NETO1: variants seen among roughly 807,000 people sequenced by gnomAD.
The protein encoded by NETO1 is neuropilin and tolloid like 1.
NETO1 carries 26 observed loss-of-function variants against 61.3 expected under a neutral mutation model. That is an observed-to-expected ratio of 0.42 (90% CI 0.31 to 0.59). The LOEUF (loss-of-function observed/expected upper bound fraction) is 0.59. Ranked by LOEUF, NETO1 falls within the 20% of genes least tolerant of loss-of-function variation. The pLI is 0.12. For missense variants in NETO1, 531 were observed against 662.8 expected (o/e 0.80, Z 2.18); for synonymous variants, 225 against 225.8 (o/e 1.00, Z 0.03).
chr18:72,803,943 AG>A (rs2072591909), intron 4 of NETO1, among the ~76,000 whole-genome samples: 1 of 152,176 alleles, frequency 6.6e-6, no homozygotes, highest in Admixed American at 6.5e-5. Context: ...ATGCATAAGC[AG>A]GGGTGATAAT....
At chr18:72,773,091 T>C (rs1010589497) in intron 7 of NETO1, among the ~76,000 whole-genome samples, 2 of 151,918 alleles carry the variant, frequency 1.3e-5, no homozygotes, top group Non-Finnish European at 2.9e-5. Context: ...ACAATTGTGC[T>C]AGGCTTTCTG....
At chr18:72,802,985 T>C (rs2072557401) in intron 4 of NETO1, among the ~76,000 whole-genome samples, 1 of 152,200 alleles carries the variant, frequency 6.6e-6, no homozygotes, top group South Asian at 2.1e-4. Context: ...TTGTAGTTGT[T>C]TGAATTGTGT....
At position 72,858,866 on chromosome 18, in the gene NETO1, C is replaced by T. The variant is rs748995510; in HGVS notation, c.429G>A (p.Leu143=). ...ATCGAGCTGAAAATCCCATAGATTC[C>T]AGCTCTCCATCAGCAAAAAATTTAA... ...LWIKFFADGE[L]ESMGFSARYN... is the part of the protein sequence containing the mutation. The change falls in exon 4 of 11, where the codon CTG becomes CTA. Residue 143 remains leucine (L), a synonymous_variant. Transcript: ENST00000327305. The T allele has an allele frequency of 6.2e-7, 1 of 1,613,230 alleles. No homozygotes were observed. Among genetic ancestry groups the T allele is most frequent in the Non-Finnish European group, 8.5e-7 (1 of 1,179,612 alleles).
At chr18:72,857,738 A>T (rs2074449372) in intron 4 of NETO1, among the ~76,000 whole-genome samples, 1 of 152,196 alleles carries the variant, frequency 6.6e-6, no homozygotes, top group Admixed American at 6.5e-5. Context: ...GATTTCTGTG[A>T]GTAATCCATT....
chr18:72,866,246 T>A (rs552232793), intron 1 of NETO1, among the ~76,000 whole-genome samples: 2 of 152,332 alleles, frequency 1.3e-5, no homozygotes, highest in Non-Finnish European at 2.9e-5. Context: ...AAATATTTCC[T>A]GAATTAAAGC....
At chr18:72,757,634 G>T (rs1377966191) in intron 7 of NETO1, among the ~76,000 whole-genome samples, 2 of 151,906 alleles carry the variant, frequency 1.3e-5, no homozygotes, top group Non-Finnish European at 2.9e-5. Flanking sequence ...GAAAAAAAAA[G>T]TATCACGCTT....
intron 4 of NETO1, among the ~76,000 whole-genome samples, chr18:72,847,585 G>A (rs1345243789): frequency 6.6e-6 from 1 of 152,090 alleles, no homozygotes; most frequent in African/African-American, 2.4e-5. Flanking sequence ...ATTCTGTTGG[G>A]GTTTTAGCCA....
At chr18:72,857,255 T>C (rs1357197406) in intron 4 of NETO1, among the ~76,000 whole-genome samples, 1 of 152,208 alleles carries the variant, frequency 6.6e-6, no homozygotes, top group Non-Finnish European at 1.5e-5. Flanking sequence ...TCTGATTCAG[T>C]TGTTCGCAGC....
chr18:72,795,061 G>T (rs765944335), intron 4 of NETO1, among the ~76,000 whole-genome samples: 17 of 152,082 alleles, frequency 1.1e-4, no homozygotes, highest in Non-Finnish European at 2.2e-4. Flanking sequence ...TGTCTTCCTC[G>T]CAGTCAAGCC....
chr18:72,774,156 C>T (rs1196002386), intron 7 of NETO1, among the ~76,000 whole-genome samples: 1 of 152,038 alleles, frequency 6.6e-6, no homozygotes, highest in African/African-American at 2.4e-5. Context: ...TTAAGTGATT[C>T]ATATTTTATG....
At chr18:72,866,825 G>C (rs2074749031) in intron 1 of NETO1, 1 of 1,004,772 alleles carries the variant, frequency 1.0e-6, no homozygotes, top group South Asian at 4.7e-5. Context: ...GCTGGCTTCA[G>C]GTGTGCCTTC....
At position 72,749,105 on chromosome 18, in the gene NETO1, AT is replaced by A; in HGVS notation, c.1542-18del. The A allele has an allele frequency of 6.8e-7, 1 of 1,471,556 alleles. No homozygotes were observed. Among genetic ancestry groups the A allele is most frequent in the African/African-American group, 1.4e-5 (1 of 69,708 alleles). 91.2% of individuals were successfully genotyped at this position (1,471,556 alleles called of 1,614,324 possible). On this transcript the variant is annotated intron_variant, in intron 9 of 10. Transcript: ENST00000327305. ...AGGCAGAACCTGGAATGTTATGGCT[AT>A]TTCATTCAACAAAGTACTATTTGCA...
At chr18:72,784,197 T>A (rs2071835927) in intron 6 of NETO1, among the ~76,000 whole-genome samples, 1 of 146,554 alleles carries the variant, frequency 6.8e-6, no homozygotes, top group African/African-American at 2.5e-5. Flanking sequence ...AGTTACTAGT[T>A]TTGCATACTT....
intron 3 of NETO1, among the ~76,000 whole-genome samples, chr18:72,862,953 T>C (rs2074624134): frequency 6.6e-6 from 1 of 152,178 alleles, no homozygotes; most frequent in African/African-American, 2.4e-5. Flanking sequence ...AGTTCTTTCA[T>C]GTACTCCATC....
intron 4 of NETO1, among the ~76,000 whole-genome samples, chr18:72,833,724 T>C (rs890256611): frequency 1.3e-5 from 2 of 152,122 alleles, no homozygotes; most frequent in Non-Finnish European, 2.9e-5. Flanking sequence ...CATGGAATTT[T>C]TGTCGTGCAT....
At chr18:72,846,058 T>C (rs181108002) in intron 4 of NETO1, among the ~76,000 whole-genome samples, 19 of 152,100 alleles carry the variant, frequency 1.2e-4, no homozygotes, top group African/African-American at 4.3e-4. Context: ...ACAGTTCAGA[T>C]AGAAACTGTA....
At chr18:72,813,871 T>G (rs968442437) in intron 4 of NETO1, among the ~76,000 whole-genome samples, 2 of 151,984 alleles carry the variant, frequency 1.3e-5, no homozygotes, top group Middle Eastern at 3.2e-3. Flanking sequence ...GATAATTATT[T>G]AGAGTTTTCA....
rs537960621 is a variant in NETO1 at position 72,770,411 on chromosome 18, T to C, written c.868+13267A>G. Among the ~76,000 whole-genome samples the C allele has an allele frequency of 3.9e-5, 6 of 152,202 alleles. No individual in the cohort carries two copies. The East Asian group carries it at 1.2e-3, about 29-fold the overall frequency. ...ATGTATGTATATTTGAATATGGTGA[T>C]TTTTTTCTTATCAATAGTGTGCTTT... On this transcript the variant is annotated intron_variant, in intron 7 of 10. Coordinates refer to ENST00000327305, the MANE Select transcript of NETO1 (RefSeq NM_138966.5).
chr18:72,800,649 C>T (rs920667046), intron 4 of NETO1, among the ~76,000 whole-genome samples: 1 of 151,544 alleles, frequency 6.6e-6, no homozygotes, highest in African/African-American at 2.4e-5. Flanking sequence ...GAAACCATCC[C>T]CCACCCCAGC....
Sources: allele counts gnomAD v4.1 joint callset (sites outside exome capture counted in the v4.1 genomes callset), GRCh38; gene constraint gnomAD v4.1.1; transcripts MANE v1.5; gene names NCBI Gene and HGNC (gene_info 2026-07-23, HGNC 2026-07-21).